The following EPHA5 variants were observed in gnomAD, a reference collection of about 807,000 sequenced individuals.
EPHA5 encodes EPH receptor A5.
A neutral mutation model predicts 105.0 loss-of-function variants in EPHA5; 60 were observed. That is an observed-to-expected ratio of 0.57 (90% CI 0.46 to 0.71). The LOEUF (loss-of-function observed/expected upper bound fraction) is 0.71, where lower values mean the gene tolerates loss of function less well. Ranked by LOEUF, EPHA5 falls within the 30% of genes least tolerant of loss-of-function variation. The probability of loss-of-function intolerance (pLI) is 0.00; values close to 1 mark genes in which losing one functional copy is unlikely to be tolerated. For synonymous variants in EPHA5, 513 were observed against 449.1 expected (o/e 1.14, Z -1.80); for missense variants, 1,218 against 1,274.7 (o/e 0.96, Z 0.68).
intron 3 of EPHA5, among the ~76,000 whole-genome samples, chr4:65,561,314 A>T (rs1738990634): frequency 6.6e-6 from 1 of 152,104 alleles, no homozygotes; most frequent in Admixed American, 6.6e-5. Context: ...TAGAATGCCA[A>T]TCACTTTATT....
intron 5 of EPHA5, among the ~76,000 whole-genome samples, chr4:65,489,121 T>C (rs1258630221): frequency 6.6e-6 from 1 of 151,940 alleles, no homozygotes. Flanking sequence ...ATGGTCTCGA[T>C]CTCCTGACCT....
intron 3 of EPHA5, among the ~76,000 whole-genome samples, chr4:65,566,478 A>C (rs1739545821): frequency 6.6e-6 from 1 of 151,808 alleles, no homozygotes; most frequent in Non-Finnish European, 1.5e-5. Context: ...CCAATGGTGA[A>C]CCATTTGCTA....
chr4:65,500,521 A>G (rs962219627), intron 3 of EPHA5, among the ~76,000 whole-genome samples: 1 of 150,374 alleles, frequency 6.7e-6, no homozygotes, highest in African/African-American at 2.5e-5. Flanking sequence ...CTTATGAGAA[A>G]TTGTTTAAAG....
chr4:65,436,589 C>T (rs1303325069), intron 5 of EPHA5, among the ~76,000 whole-genome samples: 1 of 151,910 alleles, frequency 6.6e-6, no homozygotes, highest in East Asian at 1.9e-4. Flanking sequence ...GAAAAGTTCA[C>T]TAATTTGTGA....
intron 5 of EPHA5, among the ~76,000 whole-genome samples, chr4:65,435,641 G>C (rs958947662): frequency 2.0e-5 from 3 of 151,932 alleles, no homozygotes; most frequent in African/African-American, 7.2e-5. Context: ...AATCATTATG[G>C]CTGCTGGAAA....
intron 5 of EPHA5, among the ~76,000 whole-genome samples, chr4:65,458,073 CAAAAAA>C (rs10565968): frequency 3.9e-3 from 284 of 72,590 alleles, no homozygotes; most frequent in African/African-American, 0.015. Context: ...CACTCCATCC[CAAAAAA>C]AAAAAAAAAA....
At chr4:65,575,738 A>G (rs528802487) in intron 3 of EPHA5, among the ~76,000 whole-genome samples, 74 of 152,092 alleles carry the variant, frequency 4.9e-4, no homozygotes, top group African/African-American at 1.8e-3. Context: ...TTGGGAGGCC[A>G]AGGCAGGTGA....
chr4:65,470,479 AC>A (rs1729178880), intron 5 of EPHA5, among the ~76,000 whole-genome samples: 1 of 152,182 alleles, frequency 6.6e-6, no homozygotes, highest in African/African-American at 2.4e-5. Flanking sequence ...CGTGTGAACC[AC>A]CACACCTGGT....
At chr4:65,610,215 T>A (rs761988073) in intron 2 of EPHA5, among the ~76,000 whole-genome samples, 3 of 152,080 alleles carry the variant, frequency 2.0e-5, no homozygotes, top group Non-Finnish European at 4.4e-5. Flanking sequence ...AAGAATGAGA[T>A]CCTGTCCTTT....
chr4:65,415,008 G>A (rs1202247170), intron 6 of EPHA5, among the ~76,000 whole-genome samples: 1 of 152,142 alleles, frequency 6.6e-6, no homozygotes, highest in African/African-American at 2.4e-5. Flanking sequence ...ATGCAGATAA[G>A]CAAAACGTTT....
chr4:65,349,572 T>G (rs565008700), intron 13 of EPHA5, among the ~76,000 whole-genome samples: 20 of 152,064 alleles, frequency 1.3e-4, no homozygotes, highest in Admixed American at 3.9e-4. Flanking sequence ...TTAATTTACA[T>G]TGCAAGGGAA....
At chr4:65,627,463 A>T (rs2149485822) in intron 2 of EPHA5, among the ~76,000 whole-genome samples, 1 of 152,268 alleles carries the variant, frequency 6.6e-6, no homozygotes, top group South Asian at 2.1e-4. Context: ...TTTCTGTTTC[A>T]GATAATTTTT....
intron 16 of EPHA5, among the ~76,000 whole-genome samples, chr4:65,327,905 T>C (rs1002606214): frequency 2.0e-5 from 3 of 151,142 alleles, no homozygotes; most frequent in Non-Finnish European, 4.5e-5. Flanking sequence ...ACATATTAAA[T>C]GGTCATCTTA....
At chr4:65,552,995 C>T (rs189428853) in intron 3 of EPHA5, among the ~76,000 whole-genome samples, 418 of 152,094 alleles carry the variant, frequency 2.7e-3, no homozygotes, top group Non-Finnish European at 4.4e-3. Context: ...ATATTACCTA[C>T]TTTTGGGGGC....
intron 3 of EPHA5, among the ~76,000 whole-genome samples, chr4:65,596,706 A>ACACACACC (rs752922195): frequency 6.6e-5 from 10 of 151,432 alleles, no homozygotes; most frequent in South Asian, 2.1e-4. Flanking sequence ...ACACACACAC[A>ACACACACC]CCAACACAAC....
At chr4:65,353,014 G>A (rs1722966301) in intron 12 of EPHA5, 28 bp downstream of exon 12, 14 of 1,430,650 alleles carry the variant, frequency 9.8e-6, no homozygotes, top group Non-Finnish European at 1.3e-5. Context: ...ATAACACCTT[G>A]AATAACTAAA....
intron 7 of EPHA5, among the ~76,000 whole-genome samples, chr4:65,404,968 C>A (rs1175612411): frequency 6.6e-6 from 1 of 151,904 alleles, no homozygotes; most frequent in Non-Finnish European, 1.5e-5. Context: ...TGACTATGAC[C>A]TCATTGAAGT....
intron 1 of EPHA5, among the ~76,000 whole-genome samples, chr4:65,650,132 T>G (rs1560821118): frequency 6.6e-6 from 1 of 152,202 alleles, no homozygotes; most frequent in Non-Finnish European, 1.5e-5. Context: ...AACATATTTA[T>G]GGTATATAAT....
intron 8 of EPHA5, among the ~76,000 whole-genome samples, chr4:65,394,806 C>A (rs767686361): frequency 2.0e-5 from 3 of 151,798 alleles, no homozygotes; most frequent in Non-Finnish European, 4.4e-5. Context: ...AGAACATTGC[C>A]TAGTAGGAAA....
Sources: allele counts gnomAD v4.1 joint callset (sites outside exome capture counted in the v4.1 genomes callset), GRCh38; gene constraint gnomAD v4.1.1; transcripts MANE v1.5; gene names NCBI Gene and HGNC (gene_info 2026-07-23, HGNC 2026-07-21).